The following TENM2 variants were observed in gnomAD, a reference collection of about 807,000 sequenced individuals.
TENM2 encodes the protein teneurin-2.
TENM2 carries 52 observed loss-of-function variants against 245.2 expected under a neutral mutation model. The ratio of observed to expected loss-of-function variants is 0.21; its 90% confidence interval spans 0.17 to 0.27. TENM2 has a LOEUF of 0.27. Ranked by LOEUF, TENM2 falls within the 10% of genes least tolerant of loss-of-function variation. TENM2 has a pLI of 1.00. For missense variants in TENM2, 3,046 were observed against 3,666.8 expected, an observed-to-expected ratio of 0.83 and a Z score of 4.37; for synonymous variants, 1,363 against 1,438.9, an observed-to-expected ratio of 0.95 and a Z score of 1.19.
chr5:167,866,759 G>C (rs1327752125), intron 2 of TENM2, among the ~76,000 whole-genome samples: 2 of 152,156 alleles, frequency 1.3e-5, no homozygotes, highest in African/African-American at 2.4e-5. Flanking sequence ...TTTGTATGAA[G>C]GGAAGGAACA....
intron 1 of TENM2, among the ~76,000 whole-genome samples, chr5:167,332,467 T>C (rs1430909640): frequency 6.6e-6 from 1 of 152,176 alleles, no homozygotes; most frequent in Non-Finnish European, 1.5e-5. Context: ...AGAAACAGGC[T>C]TTGTTCCCTG....
At chr5:167,338,613 A>G (rs945267194) in intron 1 of TENM2, among the ~76,000 whole-genome samples, 1 of 152,228 alleles carries the variant, frequency 6.6e-6, no homozygotes, top group Non-Finnish European at 1.5e-5. Flanking sequence ...CTAAGGCAGT[A>G]CAGTCCTACA....
intron 1 of TENM2, among the ~76,000 whole-genome samples, chr5:167,344,185 TACAC>T (rs927254985): frequency 4.0e-5 from 6 of 148,432 alleles, no homozygotes; most frequent in African/African-American, 7.4e-5. Context: ...AAGTAGAGAA[TACAC>T]ACACACATAT....
At position 167,789,919 on chromosome 5, in the gene TENM2, C is replaced by T. The variant is rs186023456; in HGVS notation, c.503-86067C>T. ...TAATATGTACTTAATAAATGTTAACCAGCATCGTTTTTATTGTCATTATAC... is the reference window on the plus strand; with the variant it reads ...TAATATGTACTTAATAAATGTTAACTAGCATCGTTTTTATTGTCATTATAC... On this transcript the variant is annotated intron_variant, in intron 2 of 28. Transcript: ENST00000518659. 6.6e-5 allele frequency among the ~76,000 whole-genome samples: 10 copies of T among 152,222 alleles called. No individual in the cohort carries two copies. In the East Asian group the frequency reaches 1.9e-3, roughly 29 times the overall value.
chr5:168,060,214 A>T (rs1456775808), intron 6 of TENM2, among the ~76,000 whole-genome samples: 1 of 150,310 alleles, frequency 6.7e-6, no homozygotes, highest in Non-Finnish European at 1.5e-5. Flanking sequence ...ACATAGTGAC[A>T]CCTTGTCTCT....
chr5:167,342,041 G>A (rs947000297), intron 1 of TENM2, among the ~76,000 whole-genome samples: 5 of 152,164 alleles, frequency 3.3e-5, no homozygotes, highest in African/African-American at 7.2e-5. Context: ...CTGTGTGCCT[G>A]ACACACCCAA....
At chr5:167,208,372 A>G in the TENM2 span, among the ~76,000 whole-genome samples, 1 of 152,244 alleles carries the variant, frequency 6.6e-6, no homozygotes, top group African/African-American at 2.4e-5. Flanking sequence ...CTTTAGAAGC[A>G]TAGAGTGAAA....
intron 2 of TENM2, among the ~76,000 whole-genome samples, chr5:167,811,019 C>T (rs761933288): frequency 2.0e-5 from 3 of 152,100 alleles, no homozygotes; most frequent in Admixed American, 2.0e-4. Context: ...ATGAAAGACA[C>T]GTCTGAGACT....
At chr5:167,878,073 A>G (rs955221217) in intron 3 of TENM2, among the ~76,000 whole-genome samples, 1 of 152,254 alleles carries the variant, frequency 6.6e-6, no homozygotes, top group African/African-American at 2.4e-5. Context: ...GATGATTTCC[A>G]TAAGAGAGGT....
chr5:167,250,303 A>T, the TENM2 span, among the ~76,000 whole-genome samples: 2 of 152,172 alleles, frequency 1.3e-5, no homozygotes, highest in Non-Finnish European at 2.9e-5. Context: ...CCTGGGTGAC[A>T]CAGTGAGACC....
intron 2 of TENM2, among the ~76,000 whole-genome samples, chr5:167,691,342 T>A (rs919682436): frequency 2.0e-5 from 3 of 151,920 alleles, no homozygotes; most frequent in African/African-American, 7.3e-5. Context: ...GGCTCATGAG[T>A]AGAAAAAAAT....
chr5:167,909,547 A>C (rs1022233779), intron 3 of TENM2, among the ~76,000 whole-genome samples: 2 of 152,168 alleles, frequency 1.3e-5, no homozygotes, highest in African/African-American at 2.4e-5. Flanking sequence ...ATTAATTCTT[A>C]TTTGTCAGTA....
At chr5:167,104,222 C>T in the TENM2 span, among the ~76,000 whole-genome samples, 1 of 151,808 alleles carries the variant, frequency 6.6e-6, no homozygotes, top group Non-Finnish European at 1.5e-5. Flanking sequence ...ACAGTGCTTG[C>T]TACTTGGCGG....
At chr5:167,224,145 T>C in the TENM2 span, among the ~76,000 whole-genome samples, 1 of 152,294 alleles carries the variant, frequency 6.6e-6, no homozygotes, top group South Asian at 2.1e-4. Flanking sequence ...AAAGGTTACC[T>C]CTTCACTCTG....
chr5:168,246,426 C>T (rs370225800), intron 26 of TENM2, among the ~76,000 whole-genome samples: 67 of 152,240 alleles, frequency 4.4e-4, no homozygotes, highest in African/African-American at 1.6e-3. Flanking sequence ...CTTAAAGTAT[C>T]ATCCAAGCAA....
At chr5:167,374,489 C>A (rs568578110) in intron 1 of TENM2, among the ~76,000 whole-genome samples, 30 of 152,258 alleles carry the variant, frequency 2.0e-4, no homozygotes, top group African/African-American at 7.0e-4. Context: ...TTATATGAGG[C>A]ACACAATCAC....
intron 3 of TENM2, among the ~76,000 whole-genome samples, chr5:167,881,676 G>A (rs1773891191): frequency 1.3e-5 from 2 of 152,160 alleles, no homozygotes; most frequent in South Asian, 4.2e-4. Context: ...GCTCCTTCCT[G>A]GCATCCAGGC....
intron 4 of TENM2, among the ~76,000 whole-genome samples, chr5:167,988,928 G>T (rs964703857): frequency 6.6e-6 from 1 of 152,070 alleles, no homozygotes; most frequent in Non-Finnish European, 1.5e-5. Flanking sequence ...TCCATTTTTC[G>T]TATAAATGAG....
At chr5:167,856,013 TC>T (rs1203061988) in intron 2 of TENM2, among the ~76,000 whole-genome samples, 1 of 152,030 alleles carries the variant, frequency 6.6e-6, no homozygotes, top group East Asian at 1.9e-4. Context: ...TCATGGCTGG[TC>T]TAGGAACTCT....
Sources: allele counts gnomAD v4.1 joint callset (sites outside exome capture counted in the v4.1 genomes callset), GRCh38; gene constraint gnomAD v4.1.1; transcripts MANE v1.5; gene names NCBI Gene and HGNC (gene_info 2026-07-23, HGNC 2026-07-21).